LEMD3: variants seen among roughly 807,000 people sequenced by gnomAD.
The protein encoded by LEMD3 is LEM domain containing 3, also known as inner nuclear membrane protein Man1.
A neutral mutation model predicts 95.2 loss-of-function variants in LEMD3; 33 were observed. The ratio of observed to expected loss-of-function variants is 0.35; its 90% CI spans 0.26 to 0.46. The LOEUF (loss-of-function observed/expected upper bound fraction) is 0.46, where lower values mean the gene tolerates loss of function less well. Ranked by LOEUF, LEMD3 falls within the 20% of genes least tolerant of loss-of-function variation. The pLI, the probability that LEMD3 is intolerant of heterozygous loss-of-function variation, is 1.00. For synonymous variants in LEMD3, 525 were observed against 474.6 expected, an observed-to-expected ratio of 1.11 and a Z score of -1.38; for missense variants, 1,210 against 1,192.8, an observed-to-expected ratio of 1.01 and a Z score of -0.21.
intron 2 of LEMD3, among the ~76,000 whole-genome samples, chr12:65,213,035 A>G (rs888164499): frequency 6.6e-6 from 1 of 152,200 alleles, no homozygotes; most frequent in Non-Finnish European, 1.5e-5. Context: ...AATAGCATGT[A>G]TCATCATGCC....
intron 5 of LEMD3, 21 bp from the exon 6 acceptor site, chr12:65,238,648 A>G (rs757002664): frequency 6.2e-7 from 1 of 1,613,860 alleles, no homozygotes; most frequent in South Asian, 1.1e-5. Flanking sequence ...TTTAAATTCT[A>G]CCTTACTTAT....
intron 1 of LEMD3, among the ~76,000 whole-genome samples, chr12:65,186,180 A>G (rs1345124804): frequency 6.6e-6 from 1 of 152,112 alleles, no homozygotes; most frequent in South Asian, 2.1e-4. Flanking sequence ...ATTCTAAGTC[A>G]TAAACTTTGG....
chr12:65,193,406 T>A (rs1192214479), intron 1 of LEMD3, among the ~76,000 whole-genome samples: 1 of 152,122 alleles, frequency 6.6e-6, no homozygotes, highest in Admixed American at 6.6e-5. Flanking sequence ...GTATGTGCAG[T>A]GGCCTGCTAG....
rs528404626 is a variant in LEMD3 at position 65,173,208 on chromosome 12, A to T, written c.1522+2090A>T. ...TGGGTACCTTTATTATGATTAAGAA[A>T]GTAATTGACTATTTGGTAGGATTTC... On this transcript the variant is annotated intron_variant, in intron 1 of 12. Transcript: ENST00000308330. Among the ~76,000 whole-genome samples, 51 of 152,330 alleles carry T rather than the reference A, an allele frequency of 3.3e-4. No individual in the cohort carries two copies. The South Asian group carries it at 8.3e-3, about 25-fold the overall frequency.
At chr12:65,209,144 C>G (rs1228173096) in intron 1 of LEMD3, among the ~76,000 whole-genome samples, 1 of 152,106 alleles carries the variant, frequency 6.6e-6, no homozygotes. Context: ...TCTGGGCATG[C>G]ACATGTGTAT....
chr12:65,170,633 G>A lies in LEMD3; in HGVS notation c.1037G>A (p.Cys346Tyr). 2 of 1,614,144 alleles carry A rather than the reference G, an allele frequency of 1.2e-6. No individual in the cohort carries two copies. Among genetic ancestry groups the A allele is most frequent in the Non-Finnish European group, 1.7e-6 (2 of 1,180,022 alleles). Reference protein sequence around the residue: ...EAAAAEQGGGCDQVDSSPVPR... With the variant: ...EAAAAEQGGGYDQVDSSPVPR... ...GCGGCCGCGGAGCAGGGAGGAGGGT[G>A]TGATCAAGTGGACTCCAGCCCCGTT... Residue 346 changes from cysteine (C) to tyrosine (Y), a missense_variant, in exon 1 of 13, where the codon TGT becomes TAT. Cys to Tyr is a radical substitution (Grantham distance 194). Coordinates refer to ENST00000308330, the MANE Select transcript of LEMD3 (RefSeq NM_014319.5).
At chr12:65,189,502 G>A (rs1223354583) in intron 1 of LEMD3, among the ~76,000 whole-genome samples, 1 of 152,176 alleles carries the variant, frequency 6.6e-6, no homozygotes, top group African/African-American at 2.4e-5. Context: ...CCATTCATCA[G>A]CAGGGATGAG....
chr12:65,231,642 C>G (rs1440047476), intron 4 of LEMD3, among the ~76,000 whole-genome samples: 2 of 152,006 alleles, frequency 1.3e-5, no homozygotes, highest in African/African-American at 2.4e-5. Context: ...ACACTCCAGC[C>G]TGGATGACAG....
At chr12:65,214,907 G>T (rs12297260) in intron 2 of LEMD3, among the ~76,000 whole-genome samples, 4,615 of 152,096 alleles carry the variant, frequency 0.03, 233 homozygotes, top group African/African-American at 0.11. Context: ...AGACTACTTG[G>T]CAGGTACTTA....
chr12:65,208,221 A>C (rs552921417), intron 1 of LEMD3, among the ~76,000 whole-genome samples: 23 of 152,154 alleles, frequency 1.5e-4, no homozygotes, highest in Non-Finnish European at 1.6e-4. Context: ...GAAATGTCCA[A>C]AAAAGCAATA....
At chr12:65,178,033 A>G (rs1868781280) in intron 1 of LEMD3, among the ~76,000 whole-genome samples, 2 of 151,890 alleles carry the variant, frequency 1.3e-5, no homozygotes, top group Admixed American at 1.3e-4. Context: ...TTTTGTTGAG[A>G]CAGGATCTCA....
At position 65,238,671 on chromosome 12, in the gene LEMD3, G is replaced by A. The variant is rs1282568195; in HGVS notation, c.1778G>A (p.Cys593Tyr). The part of the protein sequence containing the change: ...LENGKDVGIR[C>Y]VGFGPEEELT... ...CTACCTTACTTATTTTTAAATAGGT[G>A]TGTTGGTTTTGGCCCTGAGGAAGAA... Residue 593 changes from cysteine (C) to tyrosine (Y), a missense_variant and splice_region_variant, in exon 6 of 13, where the codon TGT becomes TAT. This residue lies in a region of LEMD3 where 461 missense variants were observed against 569.8 expected (regional missense o/e 0.81). Coordinates refer to ENST00000308330, the MANE Select transcript of LEMD3 (RefSeq NM_014319.5). The A allele has an allele frequency of 1.2e-6, 2 of 1,614,070 alleles. No individual in the cohort carries two copies.
chr12:65,193,860 T>C (rs1364654167), intron 1 of LEMD3, among the ~76,000 whole-genome samples: 1 of 151,936 alleles, frequency 6.6e-6, no homozygotes, highest in East Asian at 1.9e-4. Flanking sequence ...CGTTGCACTT[T>C]CACTTGCACA....
At chr12:65,184,398 A>G (rs948955370) in intron 1 of LEMD3, among the ~76,000 whole-genome samples, 3 of 152,210 alleles carry the variant, frequency 2.0e-5, no homozygotes, top group Non-Finnish European at 4.4e-5. Context: ...TTAAAACCAC[A>G]TCCTATTTTA....
chr12:65,188,900 G>A (rs1869149755), intron 1 of LEMD3, among the ~76,000 whole-genome samples: 1 of 152,076 alleles, frequency 6.6e-6, no homozygotes, highest in African/African-American at 2.4e-5. Context: ...CAGTGCACCA[G>A]GGAGATGACA....
chr12:65,247,595 A>G lies in LEMD3; in HGVS notation c.*1270A>G, dbSNP rs966552011. On this transcript the variant is annotated 3_prime_UTR_variant, in exon 13 of 13. Transcript: ENST00000308330. ...GAGTAAATTTTACTTGTAATCTACA[A>G]TTGGCTTTTTAAAAATAACCTGTTG... 6.6e-6 allele frequency: 1 copy of G among 152,238 alleles called. No homozygotes were observed. Among genetic ancestry groups the G allele is most frequent in the Non-Finnish European group, 1.5e-5 (1 of 68,014 alleles). The allele number at this position is 152,238 out of a possible 1,614,324, so 9.4% of individuals were successfully genotyped here.
rs1419295575 is a variant in LEMD3, at chr12:65,171,010, T to C, written c.1414T>C (p.Tyr472His). The stretch of plus-strand genomic sequence containing the variant: ...CCCAACAGGGAGTTTCAGTGCCCAC[T>C]ACTTGTCGATGTTTCTCTTAACTGC... ...VSPTGSFSAHYLSMFLLTAAC... is the reference protein window; with the variant it reads ...VSPTGSFSAHHLSMFLLTAAC... Residue 472 changes from tyrosine (Y) to histidine (H), a missense_variant, in exon 1 of 13, where the codon TAC becomes CAC. Around this residue, in one of 2 missense-constraint regions of LEMD3, gnomAD observed 461 missense variants for 569.8 expected, o/e 0.81. Transcript: ENST00000308330. 1 of 1,614,116 alleles carries C rather than the reference T, an allele frequency of 6.2e-7. No individual in the cohort carries two copies. Among genetic ancestry groups the C allele is most frequent in the Non-Finnish European group, 8.5e-7 (1 of 1,180,034 alleles).
At chr12:65,172,147 C>CA (rs1393675202) in intron 1 of LEMD3, among the ~76,000 whole-genome samples, 1 of 152,142 alleles carries the variant, frequency 6.6e-6, no homozygotes, top group Non-Finnish European at 1.5e-5. Context: ...GGGAGAGAGT[C>CA]AGAGTTAAAG....
At chr12:65,244,281 A>AC (rs1184745352) in intron 10 of LEMD3, among the ~76,000 whole-genome samples, 57 of 130,708 alleles carry the variant, frequency 4.4e-4, no homozygotes, top group Admixed American at 7.6e-4. Context: ...ACACACACAC[A>AC]CACACCCCCC....
Sources: gnomAD v4.1 joint callset for allele counts (sites outside exome capture counted in the v4.1 genomes callset) on GRCh38, gnomAD v4.1.1 for gene constraint, gnomAD v4.1.1 regional missense constraint, MANE v1.5 for transcripts, NCBI Gene and HGNC (gene_info 2026-07-23, HGNC 2026-07-21) for gene names.